Variants in GLB1 observed in about 807,000 individuals in gnomAD.
GLB1 encodes beta-galactosidase.
Under a neutral mutation model 74.0 loss-of-function variants are expected in GLB1, and 56 were observed. That is an observed-to-expected ratio of 0.76 (90% CI 0.61 to 0.94). GLB1 has a LOEUF of 0.94. Among genes scored for constraint, GLB1 ranks in the 40% least tolerant of loss-of-function variants. The pLI, the probability that GLB1 is intolerant of heterozygous loss-of-function variation, is 0.00. For missense variants in GLB1, 787 were observed against 845.5 expected (o/e 0.93, Z 0.86); for synonymous variants, 323 against 323.6 (o/e 1.00, Z 0.02).
intron 15 of GLB1, among the ~76,000 whole-genome samples, chr3:33,008,910 G>A (rs1357094156): frequency 2.6e-5 from 4 of 151,964 alleles, no homozygotes; most frequent in East Asian, 1.9e-4. Context: ...ACCTGACGTC[G>A]GGAGTTTGAG....
At chr3:33,039,582 CG>C (rs1396911138) in intron 10 of GLB1, among the ~76,000 whole-genome samples, 1 of 151,936 alleles carries the variant, frequency 6.6e-6, no homozygotes, top group Admixed American at 6.6e-5. Context: ...AAAATATGTT[CG>C]GGGGAAAGGA....
At chr3:33,066,706 C>G (rs150561144) in intron 4 of GLB1, among the ~76,000 whole-genome samples, 1 of 152,228 alleles carries the variant, frequency 6.6e-6, no homozygotes, top group Admixed American at 6.5e-5. Context: ...TTCTCAGTCA[C>G]AGGAAGGCTT....
chr3:32,972,323 T>A, the GLB1 span, among the ~76,000 whole-genome samples: 1 of 151,912 alleles, frequency 6.6e-6, no homozygotes, highest in Admixed American at 6.6e-5. Context: ...GAAGGAGGAG[T>A]ATGTGGAAAA....
At chr3:33,060,776 G>A (rs1052095318) in intron 5 of GLB1, among the ~76,000 whole-genome samples, 1 of 152,184 alleles carries the variant, frequency 6.6e-6, no homozygotes, top group South Asian at 2.1e-4. Context: ...CGGCTGGCAG[G>A]GGCCCAACTG....
At chr3:32,963,338 G>T in the GLB1 span, among the ~76,000 whole-genome samples, 1 of 152,066 alleles carries the variant, frequency 6.6e-6, no homozygotes, top group African/African-American at 2.4e-5. Context: ...AGTTCTAAAA[G>T]GAAACATGGG....
chr3:32,969,138 C>A, the GLB1 span, among the ~76,000 whole-genome samples: 1 of 152,180 alleles, frequency 6.6e-6, no homozygotes. Flanking sequence ...GAAGCAGTTT[C>A]ATACTAAAGG....
At chr3:33,018,686 T>C (rs1697345697) in intron 12 of GLB1, 125 bp from the exon 13 acceptor site, 9 of 1,028,572 alleles carry the variant, frequency 8.7e-6, no homozygotes, top group South Asian at 4.4e-5. Context: ...TTCCTCCACC[T>C]CCCGAAAAAA....
chr3:33,018,481 T>G lies in GLB1; in HGVS notation c.1314A>C (p.Gly438=), dbSNP rs770358523. 2 of 1,614,028 alleles carry G rather than the reference T, an allele frequency of 1.2e-6. No individual in the cohort carries two copies. Among genetic ancestry groups the G allele is most frequent in the Non-Finnish European group, 8.5e-7 (1 of 1,180,000 alleles). The part of the protein sequence containing the change: ...NPAPLSSPLN[G]VHDRAYVAVD... ...CAGCAACATATGCTCGATCGTGGACTCCATTGAGGGGTGAAGAGAGAGGTG... is the reference window on the plus strand; with the variant it reads ...CAGCAACATATGCTCGATCGTGGACGCCATTGAGGGGTGAAGAGAGAGGTG... Residue 438 remains glycine (G), a synonymous_variant, in exon 13 of 16, where the codon GGA becomes GGC. Coordinates refer to ENST00000307363, the MANE Select transcript of GLB1 (RefSeq NM_000404.4).
At position 33,046,047 on chromosome 3, in the gene GLB1, C is replaced by T. The variant is rs183392950; in HGVS notation, c.1068+73G>A. 53 of 1,554,300 alleles carry T rather than the reference C, an allele frequency of 3.4e-5. No homozygotes were observed. The East Asian group carries it at 1.2e-3, about 35-fold the overall frequency. ...AGGAGGGCTCCAGGCAGGAAGTTGT[C>T]CACAGAGCCACAGTGAGTTCAAAAG... On this transcript the variant is annotated intron_variant, in intron 10 of 15. Transcript: ENST00000307363.
intron 9 of GLB1, among the ~76,000 whole-genome samples, chr3:33,051,556 G>C (rs547892798): frequency 1.1e-3 from 146 of 132,598 alleles, no homozygotes; most frequent in African/African-American, 4.0e-3. Flanking sequence ...AGTGAGTTGA[G>C]ATTGTACCAC....
chr3:33,090,380 A>G, intron 1 of GLB1: 1 of 985,360 alleles, frequency 1.0e-6, no homozygotes, highest in Non-Finnish European at 1.2e-6. Context: ...AGTTTAAAAC[A>G]AACCAAACAA....
At chr3:33,034,761 A>G in intron 10 of GLB1, 1 of 663,142 alleles carries the variant, frequency 1.5e-6, no homozygotes, top group Admixed American at 1.8e-5. Context: ...AACAAGGGCC[A>G]GGGCTCTGTG....
intron 10 of GLB1, among the ~76,000 whole-genome samples, chr3:33,027,423 C>T (rs1027487562): frequency 5.3e-5 from 8 of 152,240 alleles, no homozygotes; most frequent in South Asian, 4.1e-4. Context: ...CCTGCCAGGC[C>T]GAGTGGGCAG....
chr3:33,015,856 T>C (rs752027985), intron 14 of GLB1, among the ~76,000 whole-genome samples: 11 of 152,220 alleles, frequency 7.2e-5, no homozygotes, highest in Non-Finnish European at 1.0e-4. Flanking sequence ...GGTGCCATTG[T>C]TCCCTTGATA....
chr3:33,040,441 C>CAA (rs71070115), intron 10 of GLB1, among the ~76,000 whole-genome samples: 13 of 146,664 alleles, frequency 8.9e-5, no homozygotes, highest in South Asian at 2.2e-4. Context: ...CCTGGCTCTA[C>CAA]AAAAAAAAAA....
chr3:33,077,133 G>C, intron 1 of GLB1: 1 of 1,431,442 alleles, frequency 7.0e-7, no homozygotes, highest in East Asian at 3.1e-5. Flanking sequence ...TCCTGTTGCT[G>C]CTTGCGTGCT....
chr3:33,006,353 C>T (rs551416227), intron 15 of GLB1, among the ~76,000 whole-genome samples: 1 of 152,296 alleles, frequency 6.6e-6, no homozygotes. Flanking sequence ...CTGTGCACTC[C>T]TTATGAGAAT....
intron 1 of GLB1, among the ~76,000 whole-genome samples, chr3:33,085,195 G>T (rs1700456907): frequency 6.8e-6 from 1 of 146,184 alleles, no homozygotes; most frequent in South Asian, 2.2e-4. Flanking sequence ...GATTGCTTGA[G>T]CCCAGAATGG....
chr3:33,071,643 A>G (rs1204774195), intron 2 of GLB1, among the ~76,000 whole-genome samples: 1 of 152,164 alleles, frequency 6.6e-6, no homozygotes, highest in South Asian at 2.1e-4. Flanking sequence ...GAACTAAAGG[A>G]GATCGGAAGG....
Sources: allele counts gnomAD v4.1 joint callset (sites outside exome capture counted in the v4.1 genomes callset), GRCh38; gene constraint gnomAD v4.1.1; transcripts MANE v1.5; gene names NCBI Gene and HGNC (gene_info 2026-07-23, HGNC 2026-07-21).